The following CCBE1 variants were observed in gnomAD, a reference collection of about 807,000 sequenced individuals.
The protein encoded by CCBE1 is collagen and calcium binding EGF domains 1.
Under a neutral mutation model 50.0 loss-of-function variants are expected in CCBE1, and 37 were observed. The ratio of observed to expected loss-of-function variants is 0.74; its 90% CI spans 0.57 to 0.97. The LOEUF is 0.97. CCBE1 is among the 50% of genes least tolerant of loss of function. The pLI, the probability that CCBE1 is intolerant of heterozygous loss-of-function variation, is 0.00. For synonymous variants in CCBE1, 234 were observed against 203.7 expected (o/e 1.15, Z -1.27); for missense variants, 538 against 523.8 (o/e 1.03, Z -0.26).
chr18:59,461,728 T>C (rs1407778519), intron 5 of CCBE1, among the ~76,000 whole-genome samples: 2 of 99,642 alleles, frequency 2.0e-5, no homozygotes, highest in East Asian at 6.7e-4. Context: ...CCAGGTGTAA[T>C]CTTTTTTTTT....
intron 2 of CCBE1, among the ~76,000 whole-genome samples, chr18:59,519,129 G>A (rs1914494712): frequency 6.6e-6 from 1 of 152,106 alleles, no homozygotes; most frequent in African/African-American, 2.4e-5. Flanking sequence ...ACCCACTACC[G>A]AGTACACCCA....
chr18:59,489,401 T>A (rs1598945563), intron 2 of CCBE1, among the ~76,000 whole-genome samples: 1 of 149,782 alleles, frequency 6.7e-6, no homozygotes, highest in East Asian at 1.9e-4. Flanking sequence ...AACTTTCTTA[T>A]TTTTCTTCTT....
At chr18:59,505,075 T>C (rs191550259) in intron 2 of CCBE1, among the ~76,000 whole-genome samples, 1 of 152,326 alleles carries the variant, frequency 6.6e-6, no homozygotes, top group African/African-American at 2.4e-5. Context: ...GTTAGACTAC[T>C]TGGATTTCAT....
rs542497313 is a variant in CCBE1, at chr18:59,524,633, C to T, written c.213-44395G>A. Reference sequence around the variant, plus strand: ...TTTTTAAAGTTCCAAGATACATGTGCGAGATGTGCAGGTTTGTTACATAGG... The same window carrying T: ...TTTTTAAAGTTCCAAGATACATGTGTGAGATGTGCAGGTTTGTTACATAGG... On this transcript the variant is annotated intron_variant, in intron 2 of 10. Coordinates refer to ENST00000439986, the MANE Select transcript of CCBE1 (RefSeq NM_133459.4). Among the ~76,000 whole-genome samples, 8 of 152,152 alleles carry T rather than the reference C, an allele frequency of 5.3e-5. No individual in the cohort carries two copies. In the South Asian group the frequency reaches 6.2e-4, roughly 12 times the overall value.
chr18:59,485,903 AT>A (rs201348941), intron 2 of CCBE1, among the ~76,000 whole-genome samples: 3,871 of 145,148 alleles, frequency 0.027, 150 homozygotes, highest in African/African-American at 0.086. Flanking sequence ...GCCCGGCCAG[AT>A]TTTTTTTTTT....
At chr18:59,558,826 G>A (rs1029547412) in intron 2 of CCBE1, among the ~76,000 whole-genome samples, 1 of 152,256 alleles carries the variant, frequency 6.6e-6, no homozygotes, top group African/African-American at 2.4e-5. Context: ...GCCAGCTCCA[G>A]CAGCCAAGAC....
Position 59,696,694 on chromosome 18 carries a change from C to T in CCBE1, c.147G>A (p.Glu49=), listed in dbSNP as rs780306683. 1.9e-6 allele frequency: 3 copies of T among 1,613,994 alleles called. No individual in the cohort carries two copies. In the South Asian group the frequency reaches 3.3e-5, roughly 18 times the overall value. The change falls in exon 2 of 11, where the codon GAG becomes GAA. Residue 49 remains glutamate (E), a synonymous_variant. Transcript: ENST00000439986. ...GGTATTTAGTCGTCGCGATTTTGCT[C>T]TCTGAGCAGATTTCTCTATGAAAAA... ...PEDGDREICS[E]SKIATTKYPC...
At chr18:59,584,300 T>C (rs564840491) in intron 2 of CCBE1, among the ~76,000 whole-genome samples, 2 of 132,568 alleles carry the variant, frequency 1.5e-5, no homozygotes, top group East Asian at 2.3e-4. Flanking sequence ...AATTGGACAA[T>C]GAGAACACAT....
chr18:59,568,641 G>A (rs972484462), intron 2 of CCBE1: 4 of 152,288 alleles, frequency 2.6e-5, no homozygotes, highest in Admixed American at 1.3e-4. Flanking sequence ...GTTCACCTGC[G>A]CAGACCAAAA....
intron 2 of CCBE1, among the ~76,000 whole-genome samples, chr18:59,484,537 G>A (rs983903959): frequency 1.3e-5 from 2 of 152,194 alleles, no homozygotes; most frequent in Non-Finnish European, 2.9e-5. Context: ...GACTGTCCAC[G>A]CAGTGGAGTA....
intron 2 of CCBE1, among the ~76,000 whole-genome samples, chr18:59,487,628 C>A (rs1912885623): frequency 6.6e-6 from 1 of 152,158 alleles, no homozygotes; most frequent in Admixed American, 6.6e-5. Context: ...CCTCCACCCA[C>A]CACCACCAAA....
intron 2 of CCBE1, among the ~76,000 whole-genome samples, chr18:59,691,980 G>A (rs1361554479): frequency 6.6e-6 from 1 of 152,168 alleles, no homozygotes; most frequent in African/African-American, 2.4e-5. Context: ...GGCTCTTATG[G>A]TCATGAGTAG....
Position 59,589,455 on chromosome 18 carries a change from C to T in CCBE1, c.212+107174G>A, listed in dbSNP as rs141218578. Among the ~76,000 whole-genome samples the T allele has an allele frequency of 2.1e-3, 325 of 152,226 alleles. 4 individuals carry two copies. In the East Asian group the frequency reaches 0.032, roughly 15 times the overall value. ...AACCAATATCACACGATAATATCGA[C>T]GTAAAACTCCAAAAGACAATAACAG... On this transcript the variant is annotated intron_variant, in intron 2 of 10. Coordinates refer to ENST00000439986, the MANE Select transcript of CCBE1 (RefSeq NM_133459.4).
intron 2 of CCBE1, among the ~76,000 whole-genome samples, chr18:59,550,119 A>G (rs1200092656): frequency 6.6e-6 from 1 of 152,074 alleles, no homozygotes; most frequent in Non-Finnish European, 1.5e-5. Context: ...AGTTACCTGG[A>G]GACTGTGTCA....
rs1913421862 is a variant in CCBE1 at position 59,497,733 on chromosome 18, GC to G, written c.213-17496del. Among the ~76,000 whole-genome samples the G allele has an allele frequency of 2.6e-5, 4 of 152,104 alleles. No homozygotes were observed. The South Asian group carries it at 8.3e-4, about 32-fold the overall frequency. On this transcript the variant is annotated intron_variant, in intron 2 of 10. Coordinates refer to ENST00000439986, the MANE Select transcript of CCBE1 (RefSeq NM_133459.4). ...GTCCATCACTTCCTATGGTCCACAG[GC>G]CCTTCCTAAGGAAAACTGCCCAGCC...
At chr18:59,489,520 T>A (rs990383234) in intron 2 of CCBE1, among the ~76,000 whole-genome samples, 6 of 152,190 alleles carry the variant, frequency 3.9e-5, no homozygotes, top group African/African-American at 1.4e-4. Context: ...TTCAAGTGAT[T>A]CTCCTGCCTC....
At position 59,455,669 on chromosome 18, in the gene CCBE1, G is replaced by A. The variant is rs191044479; in HGVS notation, c.554-718C>T. 5.9e-5 allele frequency among the ~76,000 whole-genome samples: 9 copies of A among 152,350 alleles called. No individual in the cohort carries two copies. In the East Asian group the frequency reaches 1.7e-3, roughly 29 times the overall value. ...AATACAGACAGCTCTCTTCTTCCTG[G>A]CACTGGAATGGCCTACTTAAGCCTG... On this transcript the variant is annotated intron_variant, in intron 5 of 10. Coordinates refer to ENST00000439986, the MANE Select transcript of CCBE1 (RefSeq NM_133459.4).
intron 2 of CCBE1, among the ~76,000 whole-genome samples, chr18:59,615,387 C>A (rs1342100573): frequency 1.3e-5 from 2 of 152,148 alleles, no homozygotes; most frequent in Non-Finnish European, 2.9e-5. Flanking sequence ...TTCACCCACA[C>A]AATTCTTTCT....
rs1389465685 is a variant in CCBE1, at chr18:59,674,771, A to T, written c.212+21858T>A. ...ATTACACAATATTTGCATTTCTAAG[A>T]TATCTTGTGTAATCCACAACTTTTA... On this transcript the variant is annotated intron_variant, in intron 2 of 10. Coordinates refer to ENST00000439986, the MANE Select transcript of CCBE1 (RefSeq NM_133459.4). Among the ~76,000 whole-genome samples, 3 of 152,234 alleles carry T rather than the reference A, an allele frequency of 2.0e-5. No homozygotes were observed. In the East Asian group the frequency reaches 5.8e-4, roughly 29 times the overall value.
Sources: allele counts gnomAD v4.1 joint callset (sites outside exome capture counted in the v4.1 genomes callset), GRCh38; gene constraint gnomAD v4.1.1; transcripts MANE v1.5; gene names NCBI Gene and HGNC (gene_info 2026-07-23, HGNC 2026-07-21).